The following AGBL1 variants were observed in gnomAD, a reference collection of about 807,000 sequenced individuals.
AGBL1 encodes cytosolic carboxypeptidase 4.
Under a neutral mutation model 118.9 loss-of-function variants are expected in AGBL1, and 130 were observed. The ratio of observed to expected loss-of-function variants is 1.09; its 90% CI spans 0.95 to 1.26. The LOEUF is 1.26. AGBL1 is among the 50% of genes most tolerant of loss of function. The pLI is 0.00. For missense variants in AGBL1, 1,584 were observed against 1,298.1 expected (o/e 1.22, Z -3.38); for synonymous variants, 555 against 478.9 (o/e 1.16, Z -2.08).
chr15:86,870,454 C>CAAAAAAAAAAAAAAAAAAAAAA lies in AGBL1; in HGVS notation c.3159-36612_3159-36591dup, dbSNP rs770556494. ...GGCAAGAAAAAAGTAAAGCATACTGCAAAAAAAAAAAAAAAAAAAAAAAAA... is the reference window on the plus strand; with the variant it reads ...GGCAAGAAAAAAGTAAAGCATACTGCAAAAAAAAAAAAAAAAAAAAAAAAAAAAAAAAAAAAAAAAAAAAAAA... On this transcript the variant is annotated intron_variant, in intron 22 of 22. Transcript: ENST00000614907. Among the ~76,000 whole-genome samples the CAAAAAAAAAAAAAAAAAAAAAA allele has an allele frequency of 4.7e-4, 30 of 64,116 alleles. 3 individuals carry two copies. The highest frequency in any genetic ancestry group is 6.8e-4 in the South Asian group (1 of 1,472). 42.1% of individuals were successfully genotyped at this position (64,116 alleles called of 152,430 possible). A position where few individuals can be genotyped will look rare whatever the true frequency, so the allele number is the denominator to read the frequency against.
intron 22 of AGBL1, among the ~76,000 whole-genome samples, chr15:86,767,771 G>A (rs1210224909): frequency 6.6e-6 from 1 of 151,892 alleles, no homozygotes; most frequent in Non-Finnish European, 1.5e-5. Context: ...CTGATGCGAT[G>A]ACCAGAACTA....
At chr15:86,229,624 A>T (rs1380353083) in intron 6 of AGBL1, among the ~76,000 whole-genome samples, 2 of 151,268 alleles carry the variant, frequency 1.3e-5, no homozygotes, top group Non-Finnish European at 2.9e-5. Flanking sequence ...TTTTTCCCTC[A>T]TCCTTTTTGT....
intron 22 of AGBL1, among the ~76,000 whole-genome samples, chr15:86,866,914 G>A (rs1457087922): frequency 6.6e-6 from 1 of 152,210 alleles, no homozygotes; most frequent in Non-Finnish European, 1.5e-5. Context: ...AGAGAAGAGA[G>A]TATCAGTAGA....
intron 21 of AGBL1, among the ~76,000 whole-genome samples, chr15:86,626,656 G>GT (rs151302450): frequency 3.3e-4 from 49 of 150,704 alleles, no homozygotes; most frequent in East Asian, 1.2e-3. Flanking sequence ...CTTAAAACTT[G>GT]TTTTTTTTTA....
rs958165599 is a variant in AGBL1 at position 86,396,373 on chromosome 15, G to A, written c.2375-993G>A. ...CTCCAGCTATCTTCTATAAACAAAGGAGGGAAGACATTCCTATCTTTCCCT... is the reference window on the plus strand; with the variant it reads ...CTCCAGCTATCTTCTATAAACAAAGAAGGGAAGACATTCCTATCTTTCCCT... On this transcript the variant is annotated intron_variant, in intron 17 of 22. Coordinates refer to ENST00000614907, the MANE Select transcript of AGBL1 (RefSeq NM_001386094.1). 1.1e-4 allele frequency among the ~76,000 whole-genome samples: 17 copies of A among 151,768 alleles called. 1 individual carries two copies. Among genetic ancestry groups the A allele is most frequent in the Admixed American group, 1.1e-3 (17 of 15,194 alleles).
At chr15:86,471,854 C>T (rs1261423255) in intron 18 of AGBL1, among the ~76,000 whole-genome samples, 4 of 152,086 alleles carry the variant, frequency 2.6e-5, no homozygotes, top group African/African-American at 4.8e-5. Flanking sequence ...TAGGAACCCA[C>T]GAATATGATC....
chr15:86,523,035 C>A, intron 19 of AGBL1, 96 bp downstream of exon 19: 2 of 1,419,226 alleles, frequency 1.4e-6, no homozygotes, highest in Non-Finnish European at 2.0e-6. Context: ...AGACAATGAC[C>A]AAAAACCTAT....
At chr15:86,976,748 CT>C (rs1256343750) in intron 23 of AGBL1, among the ~76,000 whole-genome samples, 4 of 151,718 alleles carry the variant, frequency 2.6e-5, no homozygotes, top group Non-Finnish European at 2.9e-5. Context: ...AAATTCGTAT[CT>C]TTTTTATTAC....
chr15:86,717,045 A>C (rs1450662707), intron 22 of AGBL1, among the ~76,000 whole-genome samples: 1 of 152,260 alleles, frequency 6.6e-6, no homozygotes, highest in Non-Finnish European at 1.5e-5. Flanking sequence ...TGCTTCAGGC[A>C]ATTGCCTGGT....
chr15:86,328,203 A>C (rs1004583233), intron 17 of AGBL1, among the ~76,000 whole-genome samples: 3 of 152,194 alleles, frequency 2.0e-5, no homozygotes, highest in African/African-American at 7.2e-5. Flanking sequence ...AGATCAAGTT[A>C]ATGCTTATTG....
chr15:86,131,627 G>A (rs1597435576), intron 1 of AGBL1, among the ~76,000 whole-genome samples: 2 of 152,234 alleles, frequency 1.3e-5, no homozygotes, highest in East Asian at 3.9e-4. Context: ...AATGGTGTCT[G>A]AAACAAGGTA....
At chr15:86,650,952 T>C (rs1036969623) in intron 21 of AGBL1, among the ~76,000 whole-genome samples, 1 of 152,188 alleles carries the variant, frequency 6.6e-6, no homozygotes, top group Non-Finnish European at 1.5e-5. Flanking sequence ...TTCTTAAAAA[T>C]TCTGTAGTTA....
chr15:86,266,589 C>A, intron 12 of AGBL1, 132 bp downstream of exon 12: 2 of 713,828 alleles, frequency 2.8e-6, no homozygotes, highest in Non-Finnish European at 2.2e-6. Context: ...GGTTAAAGAT[C>A]TATAAGAGAA....
intron 5 of AGBL1, among the ~76,000 whole-genome samples, chr15:86,209,933 G>A (rs996993641): frequency 6.6e-6 from 1 of 152,196 alleles, no homozygotes; most frequent in African/African-American, 2.4e-5. Context: ...AATTTGGCAT[G>A]TTTTTGCAGT....
intron 18 of AGBL1, among the ~76,000 whole-genome samples, chr15:86,398,374 C>T (rs1265730387): frequency 5.3e-5 from 8 of 152,094 alleles, no homozygotes; most frequent in Admixed American, 5.2e-4. Context: ...GATAAAGCCG[C>T]CCCTTGCCAT....
intron 24 of AGBL1, among the ~76,000 whole-genome samples, chr15:87,018,223 C>G (rs1480850162): frequency 1.3e-5 from 2 of 152,124 alleles, no homozygotes; most frequent in South Asian, 4.1e-4. Context: ...CTTCTTCAAC[C>G]TAGTAAGACA....
intron 21 of AGBL1, among the ~76,000 whole-genome samples, chr15:86,595,647 T>G (rs2084394960): frequency 6.6e-6 from 1 of 152,180 alleles, no homozygotes; most frequent in Non-Finnish European, 1.5e-5. Flanking sequence ...TATAATCACC[T>G]GACATGTTCT....
intron 17 of AGBL1, among the ~76,000 whole-genome samples, chr15:86,349,042 G>A (rs2080584537): frequency 6.6e-6 from 1 of 152,118 alleles, no homozygotes; most frequent in African/African-American, 2.4e-5. Context: ...GAGAAAAGAT[G>A]GCAATGTGAA....
chr15:86,206,230 T>A (rs2141870905), intron 5 of AGBL1, among the ~76,000 whole-genome samples: 1 of 152,354 alleles, frequency 6.6e-6, no homozygotes, highest in South Asian at 2.1e-4. Context: ...ACATTTGGGT[T>A]GGTTCCACGT....
Sources: gnomAD v4.1 joint callset for allele counts (sites outside exome capture counted in the v4.1 genomes callset) on GRCh38, gnomAD v4.1.1 for gene constraint, MANE v1.5 for transcripts, NCBI Gene and HGNC (gene_info 2026-07-23, HGNC 2026-07-21) for gene names.